The following SDHA variants were observed in gnomAD, a reference collection of about 807,000 sequenced individuals.
SDHA encodes the protein succinate dehydrogenase complex flavoprotein subunit A, also known as succinate dehydrogenase [ubiquinone] flavoprotein subunit, mitochondrial.
A neutral mutation model predicts 78.4 loss-of-function variants in SDHA; 48 were observed. The observed-to-expected ratio is 0.61, with a 90% CI of 0.49 to 0.78. SDHA has a LOEUF of 0.78. SDHA is among the 30% of genes least tolerant of loss of function. The pLI is 0.00. For synonymous variants in SDHA, 326 were observed against 353.9 expected (o/e 0.92, Z 0.88); for missense variants, 680 against 892.7 (o/e 0.76, Z 3.04).
chr5:255,051 ACAGCCAGCCGAGGGTGTGGTAGGGGGTCG>A (rs1415004065), intron 14 of SDHA, among the ~76,000 whole-genome samples: 7 of 151,424 alleles, frequency 4.6e-5, no homozygotes, highest in African/African-American at 1.7e-4. Flanking sequence ...TGTCCTGGGA[ACAGCCAGCCGAGGGTGTGGTAGGGGGTCG>A]CAGCCTTTTT....
chr5:262,351 G>GAGCATTACCGTGTGAGCTCCGCCTCCCGA, the SDHA span, among the ~76,000 whole-genome samples: 5 of 31,364 alleles, frequency 1.6e-4, no homozygotes, highest in Admixed American at 3.4e-4. Flanking sequence ...CCGCCTCCCG[G>GAGCATTACCGTGTGAGCTCCGCCTCCCGA]CAGAGCATTA....
chr5:246,494 A>G (rs1360681862), intron 11 of SDHA, among the ~76,000 whole-genome samples: 2 of 152,242 alleles, frequency 1.3e-5, no homozygotes, highest in African/African-American at 4.8e-5. Context: ...GAATAGATCC[A>G]GAGAAGACTT....
At chr5:244,800 A>C (rs1262719431) in intron 11 of SDHA, among the ~76,000 whole-genome samples, 1 of 152,184 alleles carries the variant, frequency 6.6e-6, no homozygotes, top group Non-Finnish European at 1.5e-5. Context: ...CTGTACCTAT[A>C]AATTTATGGG....
chr5:266,825 C>A, the SDHA span, among the ~76,000 whole-genome samples: 1 of 96,738 alleles, frequency 1.0e-5, no homozygotes, highest in African/African-American at 8.6e-5. Flanking sequence ...TGGCCGCTGT[C>A]TGTAAGATAT....
Position 256,820 on chromosome 5 carries a change from TTTC to T in SDHA, c.*403_*405del, listed in dbSNP as rs1440596995. The T allele has an allele frequency of 3.9e-6, 1 of 254,738 alleles. No individual in the cohort carries two copies. The highest frequency in any genetic ancestry group is 7.1e-6 in the Non-Finnish European group (1 of 140,568). 15.8% of individuals were successfully genotyped at this position (254,738 alleles called of 1,614,324 possible). On this transcript the variant is annotated 3_prime_UTR_variant, in exon 15 of 15. Transcript: ENST00000264932. The stretch of plus-strand genomic sequence containing the variant: ...TATTTTGTATAGTTTCTTTTTTCTT[TTTC>T]TTTTCTTTTTTTTTTTTGAGACAGG...
At chr5:240,890 A>G (rs905707358) in intron 11 of SDHA, among the ~76,000 whole-genome samples, 2 of 152,002 alleles carry the variant, frequency 1.3e-5, no homozygotes, top group African/African-American at 4.8e-5. Context: ...TTCATGGTAT[A>G]TATGTACCAC....
At chr5:234,635 G>A (rs990256062) in intron 8 of SDHA, 12 of 207,586 alleles carry the variant, frequency 5.8e-5, no homozygotes, top group South Asian at 9.2e-5. Flanking sequence ...ATTGTATTAG[G>A]TACTATGAGT....
intron 11 of SDHA, among the ~76,000 whole-genome samples, chr5:248,495 G>A (rs1266237861): frequency 6.6e-6 from 1 of 152,136 alleles, no homozygotes; most frequent in Non-Finnish European, 1.5e-5. Flanking sequence ...TATACTTATT[G>A]GGCATATTTA....
In SDHA at chr5:256,660, T is replaced by TA. The variant is rs1388101030; in HGVS notation, c.*243dup. On this transcript the variant is annotated 3_prime_UTR_variant, in exon 15 of 15. Coordinates refer to ENST00000264932, the MANE Select transcript of SDHA (RefSeq NM_004168.4). Reference sequence around the variant, plus strand: ...AGATGATAAAACTGGGCACAGCTCTTAAATAAAATATAAATGAACAAACTT... The same window carrying TA: ...AGATGATAAAACTGGGCACAGCTCTTAAAATAAAATATAAATGAACAAACTT... The TA allele has an allele frequency of 7.8e-6, 4 of 512,466 alleles. No homozygotes were observed. The East Asian group carries it at 1.2e-4, about 16-fold the overall frequency. The allele number at this position is 512,466 out of a possible 1,614,324, so 31.7% of individuals were successfully genotyped here. A position where few individuals can be genotyped will look rare whatever the true frequency, so the allele number is the denominator to read the frequency against.
the SDHA span, among the ~76,000 whole-genome samples, chr5:262,116 T>C: frequency 1.3e-5 from 1 of 78,594 alleles, no homozygotes; most frequent in East Asian, 2.6e-4. Flanking sequence ...CCGTGTGAGC[T>C]CCGCCTCCCG....
intron 3 of SDHA, 80 bp from the exon 4 acceptor site, chr5:225,339 C>T: frequency 1.3e-6 from 2 of 1,578,080 alleles, no homozygotes; most frequent in Non-Finnish European, 1.7e-6. Flanking sequence ...CTCTGAATCC[C>T]CCCAGCGGGT....
chr5:249,823 T>C (rs1486530590), intron 11 of SDHA: 2 of 152,348 alleles, frequency 1.3e-5, no homozygotes, highest in South Asian at 2.1e-4. Context: ...ATAGATACAA[T>C]TGTCATTATT....
intron 11 of SDHA, among the ~76,000 whole-genome samples, chr5:248,399 C>A (rs189654178): frequency 7.2e-5 from 11 of 152,338 alleles, no homozygotes; most frequent in African/African-American, 2.2e-4. Context: ...CAACCAGTCA[C>A]AATGAGTAAT....
intron 11 of SDHA, among the ~76,000 whole-genome samples, chr5:242,517 C>T (rs1736208063): frequency 6.6e-6 from 1 of 152,144 alleles, no homozygotes; most frequent in South Asian, 2.1e-4. Context: ...GTGGGTAAAT[C>T]TCTGTTCAAG....
intron 6 of SDHA, among the ~76,000 whole-genome samples, chr5:229,755 C>T (rs1735267983): frequency 2.0e-5 from 3 of 149,044 alleles, no homozygotes; most frequent in Admixed American, 2.0e-4. Flanking sequence ...CATTATACAG[C>T]ATGGTGGTTA....
chr5:252,397 T>C (rs1034169337), intron 13 of SDHA, among the ~76,000 whole-genome samples: 1 of 140,996 alleles, frequency 7.1e-6, no homozygotes, highest in African/African-American at 3.0e-5. Context: ...GAAATGCCAG[T>C]TTATTAAATA....
chr5:225,830 T>C, intron 4 of SDHA, 53 bp from the exon 5 acceptor site: 1 of 1,601,468 alleles, frequency 6.2e-7, no homozygotes, highest in South Asian at 1.1e-5. Context: ...TAGCTGCGAA[T>C]ATCTTGACTC....
chr5:224,684 C>T lies in SDHA; in HGVS notation c.312+163C>T, dbSNP rs966446955. 7 of 718,990 alleles carry T rather than the reference C, an allele frequency of 9.7e-6. 1 individual carries two copies. Among genetic ancestry groups the T allele is most frequent in the East Asian group, 2.7e-5 (1 of 37,304 alleles). The allele number at this position is 718,990 out of a possible 1,614,324, so 44.5% of individuals were successfully genotyped here. A position where few individuals can be genotyped will look rare whatever the true frequency, so the allele number is the denominator to read the frequency against. On this transcript the variant is annotated intron_variant, in intron 3 of 14. Coordinates refer to ENST00000264932, the MANE Select transcript of SDHA (RefSeq NM_004168.4). ...TCTCAGGGGTCTCTCCCTGGAGCCT[C>T]TTCCCTGGGGACTTTGAAGGGCGGG...
At chr5:235,983 G>A (rs1417823150) in intron 9 of SDHA, 1 of 269,564 alleles carries the variant, frequency 3.7e-6, no homozygotes, top group Non-Finnish European at 7.3e-6. Flanking sequence ...AAGAAGAGTA[G>A]CTATGGTCCT....
Sources: allele counts gnomAD v4.1 joint callset (sites outside exome capture counted in the v4.1 genomes callset), GRCh38; gene constraint gnomAD v4.1.1; transcripts MANE v1.5; gene names NCBI Gene and HGNC (gene_info 2026-07-23, HGNC 2026-07-21).